BCAS3: variants seen among roughly 807,000 people sequenced by gnomAD.
BCAS3 encodes BCAS3 microtubule associated cell migration factor, also known as BCAS4/BCAS3 fusion.
In BCAS3, 53 loss-of-function variants were observed where a neutral mutation model predicts 116.1. That is an observed-to-expected ratio of 0.46 (90% CI 0.37 to 0.57). BCAS3 has a LOEUF of 0.57. Ranked by LOEUF, BCAS3 falls within the 20% of genes least tolerant of loss-of-function variation. BCAS3 has a pLI of 0.00. For synonymous variants in BCAS3, 391 were observed against 408.2 expected (o/e 0.96, Z 0.51); for missense variants, 917 against 1,165.4 (o/e 0.79, Z 3.10).
In BCAS3 at chr17:61,341,664, C is replaced by T. The variant is rs113018886; in HGVS notation, c.2426-26663C>T. Among the ~76,000 whole-genome samples the T allele has an allele frequency of 4.9e-3, 744 of 152,274 alleles. 3 individuals are homozygous for T. Among genetic ancestry groups the T allele is most frequent in the African/African-American group, 0.016 (654 of 41,548 alleles). Reference sequence around the variant, plus strand: ...TCCACAGAACCCCTAAAATCACACTCGATTGACAGTTGCAACTGAAAAGCA... The same window carrying T: ...TCCACAGAACCCCTAAAATCACACTTGATTGACAGTTGCAACTGAAAAGCA... On this transcript the variant is annotated intron_variant, in intron 22 of 23. Transcript: ENST00000407086.
intron 6 of BCAS3, among the ~76,000 whole-genome samples, chr17:60,790,639 T>A (rs533881314): frequency 5.1e-4 from 77 of 152,256 alleles, no homozygotes; most frequent in African/African-American, 1.7e-3. Flanking sequence ...CTCACTACAT[T>A]ATCACAGATT....
At chr17:60,852,944 G>A (rs955149389) in intron 7 of BCAS3, among the ~76,000 whole-genome samples, 3 of 152,138 alleles carry the variant, frequency 2.0e-5, no homozygotes, top group Non-Finnish European at 2.9e-5. Flanking sequence ...GCCCTCCTTG[G>A]TGTTTACTCG....
chr17:61,190,948 G>A (rs892974889), intron 22 of BCAS3, among the ~76,000 whole-genome samples: 1 of 152,126 alleles, frequency 6.6e-6, no homozygotes, highest in Admixed American at 6.6e-5. Context: ...GCATATGCCT[G>A]TGGTCCCAGC....
chr17:60,739,042 C>T lies in BCAS3; in HGVS notation c.322-8156C>T, dbSNP rs552823266. ...CATATCATTTTTACTACATTTTAAA[C>T]TTCTTTTAGTGATTGTCCTGGAGTT... On this transcript the variant is annotated intron_variant, in intron 5 of 23. Coordinates refer to ENST00000407086, the MANE Select transcript of BCAS3 (RefSeq NM_017679.5). Among the ~76,000 whole-genome samples the T allele has an allele frequency of 4.4e-4, 66 of 151,656 alleles. 2 individuals are homozygous for T. The South Asian group carries it at 0.014, about 31-fold the overall frequency.
At chr17:60,923,902 A>T (rs2059231526) in intron 12 of BCAS3, among the ~76,000 whole-genome samples, 1 of 152,152 alleles carries the variant, frequency 6.6e-6, no homozygotes, top group Admixed American at 6.5e-5. Flanking sequence ...CGACTTTCAT[A>T]CTATAATATG....
intron 22 of BCAS3, among the ~76,000 whole-genome samples, chr17:61,085,852 C>T (rs1006798946): frequency 6.6e-6 from 1 of 152,122 alleles, no homozygotes; most frequent in Non-Finnish European, 1.5e-5. Flanking sequence ...TTGGAATGAT[C>T]GTTTACAATT....
At position 61,126,095 on chromosome 17, in the gene BCAS3, T is replaced by C. The variant is rs540418142; in HGVS notation, c.2425+41531T>C. On this transcript the variant is annotated intron_variant, in intron 22 of 23. Coordinates refer to ENST00000407086, the MANE Select transcript of BCAS3 (RefSeq NM_017679.5). The surrounding 1 kb of genome is among the most constrained non-coding windows in gnomAD (Gnocchi z 4.6). Reference sequence around the variant, plus strand: ...GCAGTAATAAATTGTGAATGAATCTTTTGCTTTTTACTTAAGATTACTTTA... The same window carrying C: ...GCAGTAATAAATTGTGAATGAATCTCTTGCTTTTTACTTAAGATTACTTTA... Among the ~76,000 whole-genome samples, 2 of 152,304 alleles carry C rather than the reference T, an allele frequency of 1.3e-5. No individual in the cohort carries two copies. Among genetic ancestry groups the C allele is most frequent in the Non-Finnish European group, 2.9e-5 (2 of 67,998 alleles).
chr17:61,301,826 AC>A (rs2053468735), intron 22 of BCAS3, among the ~76,000 whole-genome samples: 1 of 152,052 alleles, frequency 6.6e-6, no homozygotes. Context: ...AGGCCTGTGG[AC>A]CCCAGGTTAG....
intron 7 of BCAS3, among the ~76,000 whole-genome samples, chr17:60,844,811 T>C (rs2052348759): frequency 6.6e-6 from 1 of 152,074 alleles, no homozygotes; most frequent in Non-Finnish European, 1.5e-5. Context: ...TTGTAGTCAG[T>C]GAGTAGACGT....
chr17:61,304,565 A>G (rs939766155), intron 22 of BCAS3, among the ~76,000 whole-genome samples: 1 of 152,176 alleles, frequency 6.6e-6, no homozygotes, highest in Non-Finnish European at 1.5e-5. Context: ...AGCCTCGTCT[A>G]ACCTTATTTC....
intron 18 of BCAS3, among the ~76,000 whole-genome samples, chr17:61,038,673 T>TG (rs1213544039): frequency 0.14 from 20,051 of 141,192 alleles, 4,694 homozygotes; most frequent in African/African-American, 0.5. Flanking sequence ...TTTTTGTTTT[T>TG]TTTTTTTTTT....
chr17:61,099,204 A>G (rs1191344705), intron 22 of BCAS3, among the ~76,000 whole-genome samples: 1 of 152,162 alleles, frequency 6.6e-6, no homozygotes, highest in African/African-American at 2.4e-5. Flanking sequence ...AGGGGGAAAA[A>G]TGATGGCTTA....
chr17:61,108,095 C>T (rs2074791544), intron 22 of BCAS3, among the ~76,000 whole-genome samples: 1 of 152,086 alleles, frequency 6.6e-6, no homozygotes, highest in African/African-American at 2.4e-5. Flanking sequence ...TGTTTTGTAG[C>T]TCTGTTTTTA....
chr17:60,870,820 C>A (rs2055035798), intron 8 of BCAS3, among the ~76,000 whole-genome samples: 1 of 152,088 alleles, frequency 6.6e-6, no homozygotes, highest in Admixed American at 6.6e-5. Context: ...GTCTTGACTC[C>A]TACAACAAAA....
At chr17:60,849,955 G>T (rs940073513) in intron 7 of BCAS3, among the ~76,000 whole-genome samples, 1 of 152,048 alleles carries the variant, frequency 6.6e-6, no homozygotes, top group African/African-American at 2.4e-5. Flanking sequence ...ATAGGGTCTT[G>T]CTACATTGCC....
chr17:61,273,201 C>T (rs542296116), intron 22 of BCAS3, among the ~76,000 whole-genome samples: 13 of 151,688 alleles, frequency 8.6e-5, no homozygotes, highest in African/African-American at 2.4e-4. Context: ...CTCAACCTCC[C>T]GAGCTCAAGC....
chr17:61,100,396 C>T lies in BCAS3; in HGVS notation c.2425+15832C>T, dbSNP rs145361806. ...AGAGGGACCCAGTTCCTGAATCAGA[C>T]GGCTTAAGCCAGAGAGAACTTACTA... On this transcript the variant is annotated intron_variant, in intron 22 of 23. Coordinates refer to ENST00000407086, the MANE Select transcript of BCAS3 (RefSeq NM_017679.5). Among the ~76,000 whole-genome samples the T allele has an allele frequency of 2.7e-3, 415 of 152,304 alleles. 3 individuals are homozygous for T. Among genetic ancestry groups the T allele is most frequent in the African/African-American group, 9.5e-3 (394 of 41,574 alleles).
intron 22 of BCAS3, among the ~76,000 whole-genome samples, chr17:61,234,659 A>G (rs1004920284): frequency 1.3e-5 from 2 of 152,012 alleles, no homozygotes; most frequent in African/African-American, 4.8e-5. Flanking sequence ...CCCACTGTGC[A>G]GCATTTCACC....
chr17:61,359,054 C>T (rs1041341546), intron 22 of BCAS3, among the ~76,000 whole-genome samples: 20 of 152,170 alleles, frequency 1.3e-4, no homozygotes, highest in Admixed American at 2.6e-4. Flanking sequence ...ACTCACCATA[C>T]GCTTTCACTC....
Sources: gnomAD v4.1 joint callset for allele counts (sites outside exome capture counted in the v4.1 genomes callset) on GRCh38, gnomAD v4.1.1 for gene constraint, Gnocchi (gnomAD v3.1) non-coding constraint, MANE v1.5 for transcripts, NCBI Gene and HGNC (gene_info 2026-07-23, HGNC 2026-07-21) for gene names.